The following MYO1E variants were observed in gnomAD, a reference collection of about 807,000 sequenced individuals.
MYO1E encodes the protein unconventional myosin-Ie.
Under a neutral mutation model 151.1 loss-of-function variants are expected in MYO1E, and 68 were observed. The observed-to-expected ratio is 0.45, with a 90% confidence interval of 0.37 to 0.55. MYO1E has a LOEUF of 0.55. MYO1E is among the 20% of genes least tolerant of loss of function. MYO1E has a pLI of 0.00. For synonymous variants in MYO1E, 601 were observed against 501.7 expected, an observed-to-expected ratio of 1.20 and a Z score of -2.64; for missense variants, 1,363 against 1,389.3, an observed-to-expected ratio of 0.98 and a Z score of 0.30.
rs574816073 is a variant in MYO1E, at chr15:59,263,063, G to A, written c.148-1554C>T. Among the ~76,000 whole-genome samples, 20 of 152,178 alleles carry A rather than the reference G, an allele frequency of 1.3e-4. No homozygotes were observed. In the East Asian group the frequency reaches 1.5e-3, roughly 12 times the overall value. Reference sequence around the variant, plus strand: ...ACAACACACAGAGACATTCAAAACTGTTTCTTTCAATGATCAATTTCAAGG... The same window carrying A: ...ACAACACACAGAGACATTCAAAACTATTTCTTTCAATGATCAATTTCAAGG... On this transcript the variant is annotated intron_variant, in intron 2 of 27. Transcript: ENST00000288235.
intron 1 of MYO1E, chr15:59,348,993 CA>C (rs1241381419): frequency 1.3e-5 from 2 of 152,100 alleles, no homozygotes; most frequent in African/African-American, 4.8e-5. Flanking sequence ...GAACATGATG[CA>C]TGAGGTAAGA....
At position 59,319,550 on chromosome 15, in the gene MYO1E, C is replaced by CTTTT. The variant is rs59491381; in HGVS notation, c.4-47105_4-47102dup. 4.6e-3 allele frequency among the ~76,000 whole-genome samples: 294 copies of CTTTT among 63,640 alleles called. 32 individuals are homozygous for CTTTT. Among genetic ancestry groups the CTTTT allele is most frequent in the Non-Finnish European group, 7.0e-3 (195 of 27,718 alleles). The allele number at this position is 63,640 out of a possible 152,430, so 41.8% of individuals were successfully genotyped here. A position where few individuals can be genotyped will look rare whatever the true frequency, so the allele number is the denominator to read the frequency against. On this transcript the variant is annotated intron_variant, in intron 1 of 27. Coordinates refer to ENST00000288235, the MANE Select transcript of MYO1E (RefSeq NM_004998.4). ...AAGATAGGAAAAGAAGTCAAACTAC[C>CTTTT]TTTTTTTTTTTTTTTTTTTTTTTTT...
chr15:59,341,825 A>G (rs1006796371), intron 1 of MYO1E, among the ~76,000 whole-genome samples: 2 of 152,188 alleles, frequency 1.3e-5, no homozygotes, highest in Admixed American at 1.3e-4. Flanking sequence ...TAGGATAAAC[A>G]TGGGAGTGCA....
At chr15:59,255,853 G>A (rs1364826569) in intron 4 of MYO1E, among the ~76,000 whole-genome samples, 1 of 152,206 alleles carries the variant, frequency 6.6e-6, no homozygotes. Context: ...AGGATTCAGA[G>A]CCATGTCAGA....
At position 59,236,614 on chromosome 15, in the gene MYO1E, T is replaced by C; in HGVS notation, c.391A>G (p.Arg131Gly). The C allele has an allele frequency of 6.2e-7, 1 of 1,614,008 alleles. No homozygotes were observed. Among genetic ancestry groups the C allele is most frequent in the South Asian group, 1.1e-5 (1 of 91,084 alleles). Residue 131 changes from arginine to glycine, a missense_variant, in exon 5 of 28, where the codon AGA becomes GGA. By Grantham distance (125) the Arg-to-Gly change is moderately radical. Transcript: ENST00000288235. ...ACTTTGGTCCCTCCTCCAGACACTC[T>C]GGAGATGTAGCTCATGATATATTTG... ...AAKYIMSYIS[R>G]VSGGGTKVQH...
chr15:59,219,100 T>C (rs761206133), intron 9 of MYO1E, among the ~76,000 whole-genome samples: 4 of 152,226 alleles, frequency 2.6e-5, no homozygotes, highest in Non-Finnish European at 5.9e-5. Flanking sequence ...GTATTGTTCA[T>C]ATCCTGCCCT....
At chr15:59,197,053 C>T (rs11633119) in intron 16 of MYO1E, among the ~76,000 whole-genome samples, 2 of 129,500 alleles carry the variant, frequency 1.5e-5, no homozygotes, top group Non-Finnish European at 3.2e-5. Context: ...AGTGCAGTGG[C>T]GTGATCTCTG....
intron 17 of MYO1E, among the ~76,000 whole-genome samples, chr15:59,193,397 G>GT (rs1347388060): frequency 6.6e-6 from 1 of 152,222 alleles, no homozygotes; most frequent in East Asian, 1.9e-4. Flanking sequence ...AAACTCCTGG[G>GT]TGTAAGCATT....
intron 1 of MYO1E, among the ~76,000 whole-genome samples, chr15:59,364,333 C>A (rs902405788): frequency 6.6e-6 from 1 of 152,158 alleles, no homozygotes; most frequent in Non-Finnish European, 1.5e-5. Flanking sequence ...CCCAAGCTCA[C>A]CCAAAGAGGG....
Position 59,208,689 on chromosome 15 carries a change from C to A in MYO1E, c.1522G>T (p.Ala508Ser). 1.2e-6 allele frequency: 2 copies of A among 1,614,218 alleles called. No individual in the cohort carries two copies. Among genetic ancestry groups the A allele is most frequent in the Non-Finnish European group, 1.7e-6 (2 of 1,180,026 alleles). ...ATGGATATTGGCCATACCTTCCCAGCATAATGATGAATGATGAAGCCTTGG... is the reference window on the plus strand; with the variant it reads ...ATGGATATTGGCCATACCTTCCCAGAATAATGATGAATGATGAAGCCTTGG... ...WNQGFIIHHYAGKVSYDMDGF... is the reference protein window; with the variant it reads ...WNQGFIIHHYSGKVSYDMDGF... Residue 508 changes from alanine (A) to serine (S), a missense_variant, in exon 14 of 28, where the codon GCT becomes TCT. Physicochemically the swap from Ala to Ser is moderately conservative, Grantham distance 99. Transcript: ENST00000288235.
At position 59,285,436 on chromosome 15, in the gene MYO1E, T is replaced by C. The variant is rs375465967; in HGVS notation, c.4-12987A>G. The stretch of plus-strand genomic sequence containing the variant: ...GCAGTGGCACAATCTTGGCTCACTA[T>C]AACCTCTGCCCCCCGGCTTCACGCC... On this transcript the variant is annotated intron_variant, in intron 1 of 27. Coordinates refer to ENST00000288235, the MANE Select transcript of MYO1E (RefSeq NM_004998.4). Among the ~76,000 whole-genome samples, 109 of 142,250 alleles carry C rather than the reference T, an allele frequency of 7.7e-4. 1 individual carries two copies. The highest frequency in any genetic ancestry group is 2.5e-3 in the African/African-American group (97 of 38,946). The allele number at this position is 142,250 out of a possible 152,430, so 93.3% of individuals were successfully genotyped here.
intron 4 of MYO1E, among the ~76,000 whole-genome samples, chr15:59,250,314 A>G (rs1052356444): frequency 2.0e-5 from 3 of 152,206 alleles, no homozygotes; most frequent in African/African-American, 7.2e-5. Context: ...CTTCGAGAGC[A>G]GCTGGAAACT....
At chr15:59,310,832 T>C (rs188449762) in intron 1 of MYO1E, among the ~76,000 whole-genome samples, 6 of 151,976 alleles carry the variant, frequency 3.9e-5, no homozygotes, top group Non-Finnish European at 7.4e-5. Context: ...ATATATACTC[T>C]GTAAGAAGCT....
intron 26 of MYO1E, among the ~76,000 whole-genome samples, chr15:59,146,651 A>G (rs1243571528): frequency 6.6e-6 from 1 of 151,562 alleles, no homozygotes; most frequent in African/African-American, 2.4e-5. Context: ...TCAGACTCAC[A>G]ATAACTTATT....
At position 59,275,987 on chromosome 15, in the gene MYO1E, G is replaced by C. The variant is rs141802511; in HGVS notation, c.4-3538C>G. ...GGAGTTACATGGGCGGTGTGGTGGG[G>C]CATTGTTACCACGCACTATCCTACG... On this transcript the variant is annotated intron_variant, in intron 1 of 27. Transcript: ENST00000288235. 6.5e-3 allele frequency among the ~76,000 whole-genome samples: 989 copies of C among 152,304 alleles called. 7 individuals are homozygous for C. Among genetic ancestry groups the C allele is most frequent in the African/African-American group, 0.021 (854 of 41,562 alleles).
At chr15:59,215,217 A>T (rs1395052639) in intron 10 of MYO1E, among the ~76,000 whole-genome samples, 2 of 152,218 alleles carry the variant, frequency 1.3e-5, no homozygotes, top group Non-Finnish European at 2.9e-5. Context: ...ATCTGCAGAT[A>T]GTAACAATAG....
At chr15:59,358,706 T>G (rs868209218) in intron 1 of MYO1E, among the ~76,000 whole-genome samples, 1 of 152,256 alleles carries the variant, frequency 6.6e-6, no homozygotes, top group African/African-American at 2.4e-5. Context: ...GTAAAAACTT[T>G]ATGTCCCTGA....
intron 17 of MYO1E, among the ~76,000 whole-genome samples, 155 bp from the exon 18 acceptor site, chr15:59,188,371 G>C (rs2079711869): frequency 6.6e-6 from 1 of 152,150 alleles, no homozygotes; most frequent in African/African-American, 2.4e-5. Flanking sequence ...TGACCTCTCA[G>C]ATGACATAAT....
chr15:59,172,993 C>T (rs945942667), intron 21 of MYO1E, among the ~76,000 whole-genome samples: 1 of 152,208 alleles, frequency 6.6e-6, no homozygotes, highest in Admixed American at 6.5e-5. Flanking sequence ...CCGCCCCTGG[C>T]AAAAAGCCAA....
Sources: allele counts gnomAD v4.1 joint callset (sites outside exome capture counted in the v4.1 genomes callset), GRCh38; gene constraint gnomAD v4.1.1; transcripts MANE v1.5; gene names NCBI Gene and HGNC (gene_info 2026-07-23, HGNC 2026-07-21).